Variants in CALN1 observed in about 807,000 individuals in gnomAD.
CALN1 encodes the protein calneuron 1.
A neutral mutation model predicts 30.6 loss-of-function variants in CALN1; 17 were observed. The ratio of observed to expected loss-of-function variants is 0.56; its 90% CI spans 0.38 to 0.83. The LOEUF is 0.83. Among genes scored for constraint, CALN1 ranks in the 40% least tolerant of loss-of-function variants. CALN1 has a pLI of 0.00. For missense variants in CALN1, 291 were observed against 354.9 expected (o/e 0.82, Z 1.45); for synonymous variants, 156 against 131.4 (o/e 1.19, Z -1.28).
intron 2 of CALN1, among the ~76,000 whole-genome samples, chr7:72,363,625 T>C (rs1803696346): frequency 6.6e-6 from 1 of 151,850 alleles, no homozygotes; most frequent in South Asian, 2.1e-4. Context: ...AGACACAAAA[T>C]GTTGAAAGTG....
intron 6 of CALN1, among the ~76,000 whole-genome samples, chr7:71,806,730 A>T (rs1240897773): frequency 6.7e-6 from 1 of 150,036 alleles, no homozygotes; most frequent in Non-Finnish European, 1.5e-5. Flanking sequence ...ACCCCCCCCC[A>T]GGGAGCTGAC....
intron 5 of CALN1, among the ~76,000 whole-genome samples, chr7:71,923,025 A>G (rs2129518393): frequency 6.7e-6 from 1 of 149,720 alleles, no homozygotes; most frequent in Non-Finnish European, 1.5e-5. Flanking sequence ...ATACTATACT[A>G]TTCTATACTA....
At chr7:72,462,830 C>T in the CALN1 span, among the ~76,000 whole-genome samples, 1 of 152,206 alleles carries the variant, frequency 6.6e-6, no homozygotes, top group Non-Finnish European at 1.5e-5. Context: ...CCGAACTTGC[C>T]GGGCACATAC....
intron 2 of CALN1, among the ~76,000 whole-genome samples, chr7:72,323,435 C>T (rs1329091357): frequency 2.0e-5 from 3 of 152,034 alleles, no homozygotes; most frequent in African/African-American, 7.2e-5. Flanking sequence ...GCTCCACGGG[C>T]GATTGCCTGA....
In CALN1 at chr7:72,106,400, T is replaced by C. The variant is rs748109021; in HGVS notation, c.245-106A>G. The C allele has an allele frequency of 5.9e-5, 81 of 1,368,294 alleles. 1 individual carries two copies. Among genetic ancestry groups the C allele is most frequent in the Non-Finnish European group, 6.5e-5 (65 of 993,170 alleles). The allele number at this position is 1,368,294 out of a possible 1,614,324, so 84.8% of individuals were successfully genotyped here. A position where few individuals can be genotyped will look rare whatever the true frequency, so the allele number is the denominator to read the frequency against. ...GAACTCCTAACTGCTTTAAAAACAG[T>C]GATTTGTTAAAACTCTTTAATCAGA... On this transcript the variant is annotated intron_variant, in intron 3 of 6. Transcript: ENST00000395275.
At chr7:72,029,984 C>T (rs1467439115) in intron 4 of CALN1, among the ~76,000 whole-genome samples, 1 of 152,130 alleles carries the variant, frequency 6.6e-6, no homozygotes, top group East Asian at 1.9e-4. Context: ...GGACTGAGCC[C>T]TTGACCTGAG....
chr7:72,201,434 T>C (rs930590279), intron 3 of CALN1, among the ~76,000 whole-genome samples: 14 of 151,810 alleles, frequency 9.2e-5, no homozygotes, highest in African/African-American at 3.4e-4. Context: ...ATTTAAAATA[T>C]GCAAAACTTA....
At chr7:72,254,393 T>C (rs1264266378) in intron 3 of CALN1, among the ~76,000 whole-genome samples, 1 of 152,164 alleles carries the variant, frequency 6.6e-6, no homozygotes, top group Non-Finnish European at 1.5e-5. Context: ...CCTGGTAATT[T>C]GTTAAGGCCA....
chr7:72,313,092 C>T (rs1397376435), intron 2 of CALN1, among the ~76,000 whole-genome samples: 1 of 152,072 alleles, frequency 6.6e-6, no homozygotes, highest in African/African-American at 2.4e-5. Context: ...ACCTCGGCCT[C>T]CCAAAGTGCT....
chr7:71,957,000 ATACTT>A (rs1183247277), intron 5 of CALN1, among the ~76,000 whole-genome samples: 1 of 152,106 alleles, frequency 6.6e-6, no homozygotes, highest in East Asian at 1.9e-4. Flanking sequence ...ACCCAGCCCT[ATACTT>A]TATTTTTTTG....
chr7:72,404,372 T>C (rs2129562208), intron 1 of CALN1, among the ~76,000 whole-genome samples: 1 of 152,308 alleles, frequency 6.6e-6, no homozygotes, highest in African/African-American at 2.4e-5. Flanking sequence ...AACACACAGT[T>C]AATCAATGTC....
At chr7:71,822,145 A>C (rs1788632050) in intron 5 of CALN1, among the ~76,000 whole-genome samples, 1 of 152,206 alleles carries the variant, frequency 6.6e-6, no homozygotes, top group South Asian at 2.1e-4. Context: ...ATTGGATTCT[A>C]AAGAAATCTA....
At chr7:72,470,053 G>A in the CALN1 span, among the ~76,000 whole-genome samples, 7 of 152,090 alleles carry the variant, frequency 4.6e-5, no homozygotes, top group Admixed American at 1.3e-4. Flanking sequence ...AAAGAACATA[G>A]GCACGTATGA....
intron 3 of CALN1, among the ~76,000 whole-genome samples, chr7:72,115,528 A>G (rs860004): frequency 0.75 from 101,432 of 134,554 alleles, 38,156 homozygotes; most frequent in East Asian, 0.96. Flanking sequence ...AGTGACTGTC[A>G]CCCAGGCTGG....
chr7:72,136,136 AAAATAAATAAATAAAT>A (rs138109942), intron 3 of CALN1, among the ~76,000 whole-genome samples: 1 of 140,802 alleles, frequency 7.1e-6, no homozygotes, highest in Non-Finnish European at 1.5e-5. Flanking sequence ...CTCTGTCTCA[AAAATAAATAAATAAAT>A]AAATAAATAA....
intron 3 of CALN1, among the ~76,000 whole-genome samples, chr7:72,257,954 G>C (rs896419726): frequency 4.0e-5 from 6 of 151,744 alleles, no homozygotes; most frequent in African/African-American, 1.5e-4. Flanking sequence ...TGAACTCTGG[G>C]GACTCGAGGG....
the CALN1 span, among the ~76,000 whole-genome samples, chr7:72,473,592 G>C: frequency 3.9e-5 from 6 of 152,284 alleles, no homozygotes; most frequent in African/African-American, 1.4e-4. Context: ...ATAATTAAGA[G>C]AGTTGGGTAA....
chr7:72,141,253 C>T (rs1253495457), intron 3 of CALN1, among the ~76,000 whole-genome samples: 1 of 152,020 alleles, frequency 6.6e-6, no homozygotes, highest in Non-Finnish European at 1.5e-5. Flanking sequence ...GATTGCACCA[C>T]TGTACTCCAG....
intron 4 of CALN1, among the ~76,000 whole-genome samples, chr7:72,031,877 G>C (rs1005343586): frequency 6.6e-6 from 1 of 151,362 alleles, no homozygotes; most frequent in Non-Finnish European, 1.5e-5. Context: ...AAGTAGCTGT[G>C]ATTACAGGCA....
Sources: gnomAD v4.1 joint callset for allele counts (sites outside exome capture counted in the v4.1 genomes callset) on GRCh38, gnomAD v4.1.1 for gene constraint, MANE v1.5 for transcripts, NCBI Gene and HGNC (gene_info 2026-07-23, HGNC 2026-07-21) for gene names.